The following MIA2 variants were observed in gnomAD, a reference collection of about 807,000 sequenced individuals.
MIA2 encodes the protein melanoma inhibitory activity protein 2.
MIA2 carries 127 observed loss-of-function variants against 167.8 expected under a neutral mutation model. The observed-to-expected ratio is 0.76, with a 90% CI of 0.66 to 0.88. The LOEUF is 0.88. Ranked by LOEUF, MIA2 falls within the 40% of genes least tolerant of loss-of-function variation. The probability of loss-of-function intolerance (pLI) is 0.00; values close to 1 mark genes in which losing one functional copy is unlikely to be tolerated. For missense variants in MIA2, 1,690 were observed against 1,624.7 expected (o/e 1.04, Z -0.69); for synonymous variants, 552 against 541.9 (o/e 1.02, Z -0.26).
intron 1 of MIA2, 29 bp downstream of exon 1, chr14:39,234,258 T>G: frequency 7.0e-7 from 1 of 1,420,484 alleles, no homozygotes; most frequent in Non-Finnish European, 9.9e-7. Flanking sequence ...CTTCTTCTCC[T>G]CCTAAATTGA....
intron 26 of MIA2, 177 bp from the exon 27 acceptor site, chr14:39,347,536 C>T (rs761949849): frequency 1.7e-6 from 1 of 597,268 alleles, no homozygotes; most frequent in Non-Finnish European, 3.0e-6. Context: ...AACTCTGAGT[C>T]TGCCAGAATT....
intron 6 of MIA2, among the ~76,000 whole-genome samples, chr14:39,269,523 CTTTT>C (rs34205921): frequency 1.4e-5 from 2 of 144,678 alleles, no homozygotes; most frequent in African/African-American, 2.5e-5. Flanking sequence ...TTTTTTCTTT[CTTTT>C]TTTTTTTTTG....
rs116778815 is a variant in MIA2 at position 39,302,558 on chromosome 14, C to A, written c.2740+309C>A. Among the ~76,000 whole-genome samples, 1,287 of 152,186 alleles carry A rather than the reference C, an allele frequency of 8.5e-3. 19 individuals carry two copies. The highest frequency in any genetic ancestry group is 0.028 in the African/African-American group (1,183 of 41,520). ...CATAATCATTTCAATGCCTGTTTTT[C>A]CCTGTACTGTAAGCTAATCAAATGG... On this transcript the variant is annotated intron_variant, in intron 15 of 28. Coordinates refer to ENST00000640607, the MANE Select transcript of MIA2 (RefSeq NM_001329214.4).
intron 25 of MIA2, among the ~76,000 whole-genome samples, chr14:39,335,063 A>C (rs1466240770): frequency 6.6e-6 from 1 of 152,120 alleles, no homozygotes; most frequent in Non-Finnish European, 1.5e-5. Context: ...CAAGCTGGCC[A>C]AAATAGTGAG....
At chr14:39,352,228 C>A (rs1481195735), downstream of MIA2, among the ~76,000 whole-genome samples, 2 of 125,562 alleles carry the variant, frequency 1.6e-5, no homozygotes, top group South Asian at 2.6e-4. Context: ...TGAATACTTT[C>A]ATCATGGAGG....
At chr14:39,268,317 TTA>T (rs2056413135) in intron 6 of MIA2, among the ~76,000 whole-genome samples, 1 of 152,188 alleles carries the variant, frequency 6.6e-6, no homozygotes, top group African/African-American at 2.4e-5. Flanking sequence ...GCCATGGTGT[TTA>T]TGAGTTCATA....
intron 24 of MIA2, among the ~76,000 whole-genome samples, chr14:39,323,052 T>C (rs1213586194): frequency 1.3e-5 from 2 of 152,226 alleles, no homozygotes; most frequent in Non-Finnish European, 2.9e-5. Context: ...TGTGTACTTG[T>C]TAGTTGAAGC....
intron 23 of MIA2, among the ~76,000 whole-genome samples, chr14:39,319,646 G>C (rs575022599): frequency 3.9e-4 from 60 of 152,052 alleles, no homozygotes; most frequent in Middle Eastern, 3.4e-3. Context: ...GACTAGCATT[G>C]TGACTGTTTA....
At chr14:39,320,395 A>G in intron 23 of MIA2, among the ~76,000 whole-genome samples, 1 of 152,184 alleles carries the variant, frequency 6.6e-6, no homozygotes, top group East Asian at 1.9e-4. Flanking sequence ...CTGACTTTTT[A>G]CTGGTAATGA....
chr14:39,243,264 TTAA>T (rs1333410082), intron 3 of MIA2, among the ~76,000 whole-genome samples: 1 of 152,118 alleles, frequency 6.6e-6, no homozygotes, highest in Non-Finnish European at 1.5e-5. Flanking sequence ...GGAGTTGTCT[TTAA>T]TAGAGAGAGA....
chr14:39,290,636 A>G (rs552822673), intron 9 of MIA2, among the ~76,000 whole-genome samples: 12 of 152,364 alleles, frequency 7.9e-5, no homozygotes, highest in African/African-American at 2.9e-4. Flanking sequence ...TGTTTGGGGC[A>G]TAATTAGACA....
chr14:39,275,367 C>A (rs542538657), intron 6 of MIA2, among the ~76,000 whole-genome samples: 4 of 152,186 alleles, frequency 2.6e-5, no homozygotes, highest in Admixed American at 2.6e-4. Context: ...TCTCAAACTC[C>A]TGGCCTCATG....
chr14:39,324,272 A>C (rs2067026331), intron 24 of MIA2, among the ~76,000 whole-genome samples: 1 of 152,216 alleles, frequency 6.6e-6, no homozygotes, highest in African/African-American at 2.4e-5. Flanking sequence ...ATTCCAGATG[A>C]ACTCAGCCTA....
At chr14:39,262,419 C>A (rs1829477532) in intron 6 of MIA2, among the ~76,000 whole-genome samples, 1 of 152,266 alleles carries the variant, frequency 6.6e-6, no homozygotes, top group South Asian at 2.1e-4. Context: ...GTTACTGTAG[C>A]TTTGTAGTAT....
At chr14:39,386,936 G>A (rs1567066674) in exon 24 of MIA2, 1 of 770,800 alleles carries the variant, frequency 1.3e-6, no homozygotes, top group South Asian at 1.5e-5. Context: ...AGGGGCCTAG[G>A]AGGGCCCCAG....
chr14:39,357,077 G>A (rs1425484942), intron 23 of MIA2, among the ~76,000 whole-genome samples: 2 of 152,176 alleles, frequency 1.3e-5, no homozygotes, highest in African/African-American at 4.8e-5. Context: ...TCCACTTGGT[G>A]CAGAGCTGAG....
At chr14:39,372,950 TAGAAG>T (rs2074976722) in intron 23 of MIA2, among the ~76,000 whole-genome samples, 1 of 152,116 alleles carries the variant, frequency 6.6e-6, no homozygotes, top group African/African-American at 2.4e-5. Flanking sequence ...TCAAAATAGA[TAGAAG>T]AGAGTAATTC....
chr14:39,372,973 C>T (rs886726077), intron 23 of MIA2, among the ~76,000 whole-genome samples: 1 of 152,014 alleles, frequency 6.6e-6, no homozygotes, highest in Non-Finnish European at 1.5e-5. Flanking sequence ...TTCAAATGTT[C>T]AAGGGGATTG....
chr14:39,288,455 A>ATTTTTTTT (rs1566747448), intron 9 of MIA2, among the ~76,000 whole-genome samples: 4 of 15,784 alleles, frequency 2.5e-4, no homozygotes, highest in African/African-American at 3.2e-4. Context: ...ATATATATAT[A>ATTTTTTTT]TATATATATA....
Sources: allele counts gnomAD v4.1 joint callset (sites outside exome capture counted in the v4.1 genomes callset), GRCh38; gene constraint gnomAD v4.1.1; transcripts MANE v1.5; gene names NCBI Gene and HGNC (gene_info 2026-07-23, HGNC 2026-07-21).